The following KIAA0586 variants were observed in gnomAD, a reference collection of about 807,000 sequenced individuals.
KIAA0586 encodes the protein KIAA0586, also known as protein TALPID3.
A neutral mutation model predicts 169.8 loss-of-function variants in KIAA0586; 144 were observed. That is an observed-to-expected ratio of 0.85 (90% CI 0.74 to 0.97). KIAA0586 has a LOEUF of 0.97. Among genes scored for constraint, KIAA0586 ranks in the 50% least tolerant of loss-of-function variants. KIAA0586 has a pLI of 0.00. For missense variants in KIAA0586, 1,854 were observed against 1,823.0 expected (o/e 1.02, Z -0.31); for synonymous variants, 625 against 612.4 (o/e 1.02, Z -0.30).
upstream of KIAA0586, chr14:58,427,707 C>T (rs2036937710): frequency 3.3e-6 from 5 of 1,534,890 alleles, no homozygotes; most frequent in African/African-American, 1.4e-5. Context: ...TGTTGACCTG[C>T]GGGCAACTGA....
At chr14:58,429,458 G>A (rs762195772) in intron 2 of KIAA0586, 25 bp downstream of exon 2, 2 of 1,337,848 alleles carry the variant, frequency 1.5e-6, no homozygotes, top group East Asian at 4.6e-5. Flanking sequence ...TCTTAATTAT[G>A]CTCACGTTAA....
chr14:58,522,066 C>G, intron 29 of KIAA0586: 1 of 808,830 alleles, frequency 1.2e-6, no homozygotes, highest in Non-Finnish European at 2.1e-6. Context: ...AATTTTTCAC[C>G]AGATCCTCTC....
At chr14:58,496,543 T>A (rs2043169240) in intron 26 of KIAA0586, among the ~76,000 whole-genome samples, 1 of 152,188 alleles carries the variant, frequency 6.6e-6, no homozygotes, top group African/African-American at 2.4e-5. Context: ...ACAGTATTTT[T>A]TAATTTAAAG....
Position 58,487,184 on chromosome 14 carries a change from A to C in KIAA0586, c.3304+18A>C, listed in dbSNP as rs765829337. ...TGAAAAAGGTAGAAACTTTATTTCT[A>C]TAACTCGGTTTTAATTTTAGCAACT... On this transcript the variant is annotated intron_variant, in intron 22 of 30. Coordinates refer to ENST00000652326, the MANE Select transcript of KIAA0586 (RefSeq NM_001329943.3). 1.3e-6 allele frequency: 2 copies of C among 1,596,506 alleles called. No homozygotes were observed. The highest frequency in any genetic ancestry group is 1.7e-5 in the Admixed American group (1 of 57,628).
In KIAA0586 at chr14:58,488,516, A is replaced by C. The variant is rs375276647; in HGVS notation, c.3528-105A>C. ...ATTATAGTAGTGCAGATTTAAAAAA[A>C]TATTTTGCTAAAGGAGACATAGTCT... On this transcript the variant is annotated intron_variant, in intron 23 of 30. Transcript: ENST00000652326. 21 of 1,327,030 alleles carry C rather than the reference A, an allele frequency of 1.6e-5. No homozygotes were observed. The African/African-American group carries it at 1.6e-4, about 10-fold the overall frequency. 82.2% of individuals were successfully genotyped at this position (1,327,030 alleles called of 1,614,324 possible).
At chr14:58,552,145 C>G (rs1300405113), downstream of KIAA0586, among the ~76,000 whole-genome samples, 13 of 152,170 alleles carry the variant, frequency 8.5e-5, no homozygotes, top group Non-Finnish European at 5.9e-5. Flanking sequence ...CATTAAACAT[C>G]AGTTGCACAG....
intron 29 of KIAA0586, chr14:58,521,458 C>T (rs1481188832): frequency 2.6e-6 from 2 of 763,354 alleles, no homozygotes; most frequent in Non-Finnish European, 4.7e-6. Context: ...TGACTTGGAC[C>T]ATGACTTTCA....
At chr14:58,547,084 G>A (rs1403354499) in intron 30 of KIAA0586, among the ~76,000 whole-genome samples, 2 of 151,478 alleles carry the variant, frequency 1.3e-5, no homozygotes, top group Non-Finnish European at 2.9e-5. Flanking sequence ...TTAGGAATAG[G>A]AGGAAGAGCA....
intron 27 of KIAA0586, among the ~76,000 whole-genome samples, chr14:58,508,328 C>G (rs111524386): frequency 1.5e-4 from 23 of 152,330 alleles, no homozygotes; most frequent in African/African-American, 5.3e-4. Context: ...TGGAACTTTA[C>G]ATAGAATATT....
intron 14 of KIAA0586, among the ~76,000 whole-genome samples, chr14:58,462,852 GGA>G (rs2040441928): frequency 6.6e-6 from 1 of 152,160 alleles, no homozygotes; most frequent in Non-Finnish European, 1.5e-5. Flanking sequence ...TATGGCAGCA[GGA>G]GAGAGGGAGC....
rs1414599775 is a variant in KIAA0586 at position 58,487,904 on chromosome 14, A to G, written c.3322A>G (p.Ile1108Val). The G allele has an allele frequency of 1.9e-6, 3 of 1,612,618 alleles. No individual in the cohort carries two copies. Among genetic ancestry groups the G allele is most frequent in the Non-Finnish European group, 2.5e-6 (3 of 1,179,200 alleles). ...CAEKGDDMPA[I>V]MLVNTPTVTP... ...ACCTTTAGGAGATGATATGCCTGCCATCATGCTTGTTAATACTCCAACAGT... is the reference window on the plus strand; with the variant it reads ...ACCTTTAGGAGATGATATGCCTGCCGTCATGCTTGTTAATACTCCAACAGT... Residue 1108 changes from isoleucine (I) to valine (V), a missense_variant, in exon 23 of 31, where the codon ATC becomes GTC. Transcript: ENST00000652326.
intron 29 of KIAA0586, chr14:58,521,839 G>A (rs192827340): frequency 1.3e-4 from 118 of 893,326 alleles, no homozygotes; most frequent in Middle Eastern, 2.2e-4. Context: ...GAGTCGGAGC[G>A]GGGTGCAGAT....
chr14:58,482,481 C>T (rs769214613), intron 20 of KIAA0586, 32 bp from the exon 21 acceptor site: 34 of 1,395,566 alleles, frequency 2.4e-5, no homozygotes, highest in Non-Finnish European at 3.1e-5. Context: ...GTTTCTTGCC[C>T]ACTTATTCTG....
intron 17 of KIAA0586, among the ~76,000 whole-genome samples, chr14:58,471,743 A>T (rs1349901660): frequency 6.6e-6 from 1 of 152,182 alleles, no homozygotes; most frequent in Non-Finnish European, 1.5e-5. Context: ...AGGCTATTGC[A>T]TGACTACATT....
intron 20 of KIAA0586, among the ~76,000 whole-genome samples, chr14:58,477,736 A>G (rs1395630654): frequency 1.3e-5 from 2 of 150,812 alleles, no homozygotes; most frequent in African/African-American, 2.4e-5. Flanking sequence ...TATGGTGCCT[A>G]TGCCCTTCTC....
At chr14:58,444,757 T>C (rs976659794) in intron 6 of KIAA0586, among the ~76,000 whole-genome samples, 4 of 151,880 alleles carry the variant, frequency 2.6e-5, no homozygotes, top group Non-Finnish European at 5.9e-5. Context: ...ATTGCAACTA[T>C]TGGTTTACGT....
intron 6 of KIAA0586, 126 bp downstream of exon 6, chr14:58,444,301 C>T (rs1199990804): frequency 2.8e-5 from 19 of 667,224 alleles, no homozygotes; most frequent in Non-Finnish European, 4.7e-5. Context: ...TCATGATTTG[C>T]TTATCTTTCT....
chr14:58,553,523 C>T (rs566723322), downstream of KIAA0586, among the ~76,000 whole-genome samples: 48 of 144,382 alleles, frequency 3.3e-4, no homozygotes, highest in African/African-American at 1.2e-3. Context: ...TTGGGCATAA[C>T]AAAAATATCT....
chr14:58,472,357 A>C (rs2041289503), intron 18 of KIAA0586, 78 bp downstream of exon 18: 3 of 698,860 alleles, frequency 4.3e-6, no homozygotes, highest in Non-Finnish European at 4.6e-6. Context: ...TTGGACTATC[A>C]ATATTATGTT....
Sources: allele counts gnomAD v4.1 joint callset (sites outside exome capture counted in the v4.1 genomes callset), GRCh38; gene constraint gnomAD v4.1.1; transcripts MANE v1.5; gene names NCBI Gene and HGNC (gene_info 2026-07-23, HGNC 2026-07-21).